LIN7C: variants seen among roughly 807,000 people sequenced by gnomAD.
LIN7C encodes lin-7 cell polarity scaffold C.
Under a neutral mutation model 24.7 loss-of-function variants are expected in LIN7C, and 17 were observed. The ratio of observed to expected loss-of-function variants is 0.69; its 90% CI spans 0.47 to 1.03. The LOEUF is 1.03. Among genes scored for constraint, LIN7C ranks in the 50% least tolerant of loss-of-function variants. The pLI, the probability that LIN7C is intolerant of heterozygous loss-of-function variation, is 0.00. For synonymous variants in LIN7C, 90 were observed against 83.4 expected, an observed-to-expected ratio of 1.08 and a Z score of -0.43; for missense variants, 204 against 239.0, an observed-to-expected ratio of 0.85 and a Z score of 0.97.
intron 3 of LIN7C, 82 bp from the exon 4 acceptor site, chr11:27,499,650 T>C (rs1865203017): frequency 8.0e-7 from 1 of 1,249,402 alleles, no homozygotes; most frequent in Admixed American, 1.9e-5. Context: ...CGAGATGGAG[T>C]CTCGCTCTGT....
rs1244843872 is a variant in LIN7C at position 27,494,525 on chromosome 11, T to C, written c.*4124A>G. On this transcript the variant is annotated 3_prime_UTR_variant, in exon 5 of 5. Transcript: ENST00000278193. ...TTTTATACATACCTTTCATAAACGT[T>C]ATCTATTGTGTAGTTATATCAACTT... 1 of 152,248 alleles carries C rather than the reference T, an allele frequency of 6.6e-6. No individual in the cohort carries two copies. The highest frequency in any genetic ancestry group is 1.5e-5 in the Non-Finnish European group (1 of 68,044). The allele number at this position is 152,248 out of a possible 1,614,324, so 9.4% of individuals were successfully genotyped here.
At chr11:27,502,342 C>T (rs1014729463) in intron 1 of LIN7C, among the ~76,000 whole-genome samples, 1 of 152,062 alleles carries the variant, frequency 6.6e-6, no homozygotes, top group South Asian at 2.1e-4. Context: ...TTATTAGTAA[C>T]CAAAGCACTG....
At position 27,498,796 on chromosome 11, in the gene LIN7C, T is replaced by A; in HGVS notation, c.447A>T (p.Glu149Asp). The A allele has an allele frequency of 6.2e-7, 1 of 1,613,558 alleles. No homozygotes were observed. The highest frequency in any genetic ancestry group is 8.5e-7 in the Non-Finnish European group (1 of 1,179,814). The stretch of plus-strand genomic sequence containing the variant: ...CTACAGCTTTTTCATGATGTTCTCC[T>A]TCAACACTCTAGGGGAAAAAAAAAC... ...QLLSVNGVSV[E>D]GEHHEKAVEL... The change falls in exon 5 of 5, where the codon GAA (glutamate) becomes GAT (aspartate). Residue 149 changes from glutamate to aspartate, a missense_variant. Physicochemically the swap from Glu to Asp is conservative, Grantham distance 45. This residue lies in a region of LIN7C where 74 missense variants were observed against 99.6 expected (regional missense o/e 0.74). Transcript: ENST00000278193.
At chr11:27,504,824 G>A (rs182432484) in intron 1 of LIN7C, among the ~76,000 whole-genome samples, 180 of 152,266 alleles carry the variant, frequency 1.2e-3, no homozygotes, top group African/African-American at 4.1e-3. Context: ...GTCTGTACAT[G>A]TTCTATACAG....
chr11:27,504,756 A>T (rs1170332335), intron 1 of LIN7C, among the ~76,000 whole-genome samples: 2 of 152,214 alleles, frequency 1.3e-5, no homozygotes, highest in Admixed American at 1.3e-4. Flanking sequence ...ACAATATCTG[A>T]CGCTACGTAA....
rs1865180504 is a variant in LIN7C, at chr11:27,497,203, C to A, written c.*1446G>T. ...AATCATCTGAGACTCACAGTGATCA[C>A]AAACATGCAGAAAAAAGCATACAAT... On this transcript the variant is annotated 3_prime_UTR_variant, in exon 5 of 5. Coordinates refer to ENST00000278193, the MANE Select transcript of LIN7C (RefSeq NM_018362.4). 6.6e-6 allele frequency: 1 copy of A among 152,532 alleles called. No homozygotes were observed. The highest frequency in any genetic ancestry group is 1.5e-5 in the Non-Finnish European group (1 of 67,964). The allele number at this position is 152,532 out of a possible 1,614,324, so 9.4% of individuals were successfully genotyped here.
In LIN7C at chr11:27,498,573, A is replaced by G. The variant is rs1367700943; in HGVS notation, c.*76T>C. 4 of 1,309,112 alleles carry G rather than the reference A, an allele frequency of 3.1e-6. No individual in the cohort carries two copies. Among genetic ancestry groups the G allele is most frequent in the Non-Finnish European group, 4.3e-6 (4 of 927,732 alleles). The allele number at this position is 1,309,112 out of a possible 1,614,324, so 81.1% of individuals were successfully genotyped here. On this transcript the variant is annotated 3_prime_UTR_variant, in exon 5 of 5. Transcript: ENST00000278193. ...TGTTTGTTTTCTTACAATCATTGGC[A>G]TTGCAGCCATTAGTAAGTCACAAGG...
At chr11:27,503,231 A>AT (rs1317659704) in intron 1 of LIN7C, among the ~76,000 whole-genome samples, 2 of 152,246 alleles carry the variant, frequency 1.3e-5, no homozygotes, top group African/African-American at 4.8e-5. Flanking sequence ...AAGTGTGAGG[A>AT]TAAGTGTTTT....
intron 1 of LIN7C, among the ~76,000 whole-genome samples, chr11:27,503,790 G>A (rs1015532290): frequency 4.6e-5 from 7 of 150,834 alleles, no homozygotes; most frequent in African/African-American, 1.7e-4. Flanking sequence ...GGGATTACAG[G>A]CTTGGGCCAT....
At chr11:27,506,520 G>A (rs937831334) in intron 1 of LIN7C, among the ~76,000 whole-genome samples, 196 bp downstream of exon 1, 4 of 152,174 alleles carry the variant, frequency 2.6e-5, no homozygotes, top group African/African-American at 9.7e-5. Context: ...GAACAGAGGA[G>A]GGCTTACGGT....
rs1039461033 is a variant in LIN7C, at chr11:27,499,974, T to C, written c.229-406A>G. On this transcript the variant is annotated intron_variant, in intron 3 of 4. Coordinates refer to ENST00000278193, the MANE Select transcript of LIN7C (RefSeq NM_018362.4). ...TACTTTTGAGCACGTATTTTTGACG[T>C]CTGAATGCTCACAAATTCACTGGTG... Among the ~76,000 whole-genome samples the C allele has an allele frequency of 4.6e-5, 7 of 152,296 alleles. No homozygotes were observed. In the East Asian group the frequency reaches 5.8e-4, roughly 13 times the overall value.
chr11:27,498,784 A>G lies in LIN7C; in HGVS notation c.459T>C (p.His153=), dbSNP rs755725649. 1.9e-6 allele frequency: 3 copies of G among 1,613,736 alleles called. No homozygotes were observed. The African/African-American group carries it at 4.0e-5, about 22-fold the overall frequency. Residue 153 remains histidine (H), a synonymous_variant, in exon 5 of 5, where the codon CAT becomes CAC. Transcript: ENST00000278193. The stretch of plus-strand genomic sequence containing the variant: ...CTTTCAGCAGTTCTACAGCTTTTTC[A>G]TGATGTTCTCCTTCAACACTCTAGG... The part of the protein sequence containing the change: ...VNGVSVEGEH[H]EKAVELLKAA...
Position 27,501,905 on chromosome 11 carries a change from A to G in LIN7C, c.53T>C (p.Ile18Thr). 1.3e-6 allele frequency: 2 copies of G among 1,598,006 alleles called. No individual in the cohort carries two copies. Among genetic ancestry groups the G allele is most frequent in the Non-Finnish European group, 1.7e-6 (2 of 1,165,628 alleles). The change falls in exon 2 of 5, where the codon ATT (isoleucine) becomes ACT (threonine). Residue 18 changes from isoleucine to threonine, a missense_variant. Transcript: ENST00000278193. The stretch of plus-strand genomic sequence containing the variant: ...CCTTTGTAGTTTTTCCAATAATTCA[A>G]TTGCTCTACAAATATCTAGAGTTAA... ...VRLERDICRA[I>T]ELLEKLQRSG...
intron 1 of LIN7C, among the ~76,000 whole-genome samples, chr11:27,503,812 G>T (rs1447244519): frequency 6.7e-6 from 1 of 149,098 alleles, no homozygotes; most frequent in African/African-American, 2.5e-5. Flanking sequence ...ACACCTGGCA[G>T]AAAGATTATT....
intron 1 of LIN7C, among the ~76,000 whole-genome samples, chr11:27,504,223 G>A (rs1380094658): frequency 1.3e-5 from 2 of 152,130 alleles, no homozygotes; most frequent in Admixed American, 6.5e-5. Context: ...CCCATCACCA[G>A]AATGACCGAT....
intron 1 of LIN7C, among the ~76,000 whole-genome samples, chr11:27,504,703 T>A (rs187265893): frequency 6.6e-6 from 1 of 152,210 alleles, no homozygotes; most frequent in Non-Finnish European, 1.5e-5. Context: ...ATAAAACCTA[T>A]GCATATCCCC....
chr11:27,499,327 T>G (rs747350262), intron 4 of LIN7C, 32 bp downstream of exon 4: 9 of 1,584,428 alleles, frequency 5.7e-6, no homozygotes, highest in African/African-American at 1.3e-5. Flanking sequence ...TCACAACAGA[T>G]CACTACAAAT....
rs1037682997 is a variant in LIN7C, at chr11:27,498,120, A to G, written c.*529T>C. 1.3e-5 allele frequency: 2 copies of G among 152,670 alleles called. No individual in the cohort carries two copies. Among genetic ancestry groups the G allele is most frequent in the African/African-American group, 4.8e-5 (2 of 41,470 alleles). 9.5% of individuals were successfully genotyped at this position (152,670 alleles called of 1,614,324 possible). A position where few individuals can be genotyped will look rare whatever the true frequency, so the allele number is the denominator to read the frequency against. ...GGTTATATATATTATGTGTGTGTTCAAAGTACAAAATGCAGCAATGATGTT... is the reference window on the plus strand; with the variant it reads ...GGTTATATATATTATGTGTGTGTTCGAAGTACAAAATGCAGCAATGATGTT... On this transcript the variant is annotated 3_prime_UTR_variant, in exon 5 of 5. Coordinates refer to ENST00000278193, the MANE Select transcript of LIN7C (RefSeq NM_018362.4).
rs1393969083 is a variant in LIN7C, at chr11:27,495,764, G to T, written c.*2885C>A. On this transcript the variant is annotated 3_prime_UTR_variant, in exon 5 of 5. Coordinates refer to ENST00000278193, the MANE Select transcript of LIN7C (RefSeq NM_018362.4). Reference sequence around the variant, plus strand: ...AAAAAAAAGAAAAAAGAAAAAAAAAGATAAGACTGTAATTACTTCCCAAAT... The same window carrying T: ...AAAAAAAAGAAAAAAGAAAAAAAAATATAAGACTGTAATTACTTCCCAAAT... 1 of 151,544 alleles carries T rather than the reference G, an allele frequency of 6.6e-6. No homozygotes were observed. Among genetic ancestry groups the T allele is most frequent in the Admixed American group, 6.6e-5 (1 of 15,226 alleles). The allele number at this position is 151,544 out of a possible 1,614,324, so 9.4% of individuals were successfully genotyped here.
Sources: gnomAD v4.1 joint callset for allele counts (sites outside exome capture counted in the v4.1 genomes callset) on GRCh38, gnomAD v4.1.1 for gene constraint, gnomAD v4.1.1 regional missense constraint, MANE v1.5 for transcripts, NCBI Gene and HGNC (gene_info 2026-07-23, HGNC 2026-07-21) for gene names.